TMEM132C: variants seen among roughly 807,000 people sequenced by gnomAD.
TMEM132C encodes protein phosphatase 1, regulatory subunit 152.
TMEM132C carries 29 observed loss-of-function variants against 61.4 expected under a neutral mutation model. The observed-to-expected ratio is 0.47, with a 90% CI of 0.35 to 0.64. The LOEUF (loss-of-function observed/expected upper bound fraction) is 0.64. Among genes scored for constraint, TMEM132C ranks in the 30% least tolerant of loss-of-function variants. The pLI, the probability that TMEM132C is intolerant of heterozygous loss-of-function variation, is 0.00. For synonymous variants in TMEM132C, 656 were observed against 633.1 expected (o/e 1.04, Z -0.54); for missense variants, 1,408 against 1,476.9 (o/e 0.95, Z 0.76).
chr12:128,416,619 T>G (rs977240921), intron 2 of TMEM132C, among the ~76,000 whole-genome samples: 4 of 152,292 alleles, frequency 2.6e-5, no homozygotes, highest in Non-Finnish European at 4.4e-5. Flanking sequence ...ATTTCATTTC[T>G]GTTTAACTTT....
chr12:128,299,981 A>G (rs61939391), intron 1 of TMEM132C, among the ~76,000 whole-genome samples: 1,752 of 152,352 alleles, frequency 0.011, 20 homozygotes, highest in Non-Finnish European at 0.018. Flanking sequence ...CCGTCAGTGT[A>G]GTCTAGACAC....
At chr12:128,652,411 A>G (rs1257852851) in intron 4 of TMEM132C, among the ~76,000 whole-genome samples, 2 of 152,224 alleles carry the variant, frequency 1.3e-5, no homozygotes, top group Admixed American at 1.3e-4. Flanking sequence ...AGGACCCAAC[A>G]AAGAACTCCT....
intron 6 of TMEM132C, among the ~76,000 whole-genome samples, chr12:128,695,345 C>G (rs925876287): frequency 6.7e-6 from 1 of 149,952 alleles, no homozygotes; most frequent in Non-Finnish European, 1.5e-5. Context: ...CATAGCAAGA[C>G]CCCATCTCTA....
At chr12:128,465,424 C>T (rs2136074683) in intron 2 of TMEM132C, among the ~76,000 whole-genome samples, 1 of 152,306 alleles carries the variant, frequency 6.6e-6, no homozygotes, top group East Asian at 1.9e-4. Context: ...TGGTTTCAAA[C>T]TCCTCACCTC....
chr12:128,477,733 T>A (rs997236566), intron 2 of TMEM132C, among the ~76,000 whole-genome samples: 1 of 152,120 alleles, frequency 6.6e-6, no homozygotes, highest in Non-Finnish European at 1.5e-5. Context: ...GCACCCGCCG[T>A]CACACCCGGC....
intron 3 of TMEM132C, among the ~76,000 whole-genome samples, chr12:128,615,613 A>G (rs1876774126): frequency 6.6e-6 from 1 of 152,062 alleles, no homozygotes; most frequent in Non-Finnish European, 1.5e-5. Flanking sequence ...GCTGCCACTG[A>G]CCTGACAGGA....
chr12:128,376,615 A>G (rs765656394), intron 1 of TMEM132C, among the ~76,000 whole-genome samples: 2 of 152,240 alleles, frequency 1.3e-5, no homozygotes, highest in Non-Finnish European at 2.9e-5. Flanking sequence ...GATGGATCCA[A>G]ATATGAGATT....
intron 2 of TMEM132C, among the ~76,000 whole-genome samples, chr12:128,524,892 C>G (rs2136130503): frequency 6.6e-6 from 1 of 152,260 alleles, no homozygotes; most frequent in South Asian, 2.1e-4. Context: ...CCTGCTTTGC[C>G]CAGGGTGCTC....
chr12:128,509,821 T>G (rs974541118), intron 2 of TMEM132C, among the ~76,000 whole-genome samples: 25 of 152,142 alleles, frequency 1.6e-4, no homozygotes, highest in African/African-American at 6.0e-4. Flanking sequence ...ATAAGGCCAG[T>G]GAGCCTTTCT....
rs184599389 is a variant in TMEM132C, at chr12:128,280,528, T to C, written c.85+13041T>C. ...ATAAGGAAAACATGCTTAAATTCAG[T>C]TAACTTAATAGCGTAATCACTAGAA... On this transcript the variant is annotated intron_variant, in intron 1 of 8. Transcript: ENST00000435159. 2.0e-5 allele frequency among the ~76,000 whole-genome samples: 3 copies of C among 152,326 alleles called. 1 individual carries two copies. In the East Asian group the frequency reaches 5.8e-4, roughly 29 times the overall value.
intron 1 of TMEM132C, among the ~76,000 whole-genome samples, chr12:128,348,697 A>G (rs543816624): frequency 3.3e-5 from 5 of 152,366 alleles, no homozygotes; most frequent in African/African-American, 1.2e-4. Flanking sequence ...GTTTCCAGCC[A>G]ACCAAGAAGA....
At chr12:128,583,392 CAA>C (rs11327866) in intron 3 of TMEM132C, among the ~76,000 whole-genome samples, 202 of 130,180 alleles carry the variant, frequency 1.6e-3, no homozygotes, top group Middle Eastern at 3.9e-3. Flanking sequence ...GAATATTGGT[CAA>C]AAAAAAAAAA....
At chr12:128,267,602 C>A in intron 1 of TMEM132C, 115 bp downstream of exon 1, 1 of 854,132 alleles carries the variant, frequency 1.2e-6, no homozygotes, top group South Asian at 5.6e-5. Flanking sequence ...GGCGGGGGCT[C>A]GGATCCCATC....
intron 1 of TMEM132C, among the ~76,000 whole-genome samples, chr12:128,410,770 G>T (rs1868509074): frequency 6.6e-6 from 1 of 152,110 alleles, no homozygotes; most frequent in African/African-American, 2.4e-5. Context: ...TCAAAATGAA[G>T]AAATTAACAT....
chr12:128,522,869 A>G (rs562456184), intron 2 of TMEM132C, among the ~76,000 whole-genome samples: 7 of 152,322 alleles, frequency 4.6e-5, no homozygotes, highest in Non-Finnish European at 5.9e-5. Flanking sequence ...AAGAAAAAAC[A>G]AAAGGAAATT....
chr12:128,365,010 C>T (rs948096477), intron 1 of TMEM132C, among the ~76,000 whole-genome samples: 3 of 152,128 alleles, frequency 2.0e-5, no homozygotes, highest in South Asian at 2.1e-4. Flanking sequence ...ATTTATGTTG[C>T]GGGTTTCAGA....
At chr12:128,595,098 C>T (rs1009655937) in intron 3 of TMEM132C, among the ~76,000 whole-genome samples, 2 of 152,146 alleles carry the variant, frequency 1.3e-5, no homozygotes, top group East Asian at 1.9e-4. Context: ...CACTGCTCTC[C>T]GGAGAACAGT....
At chr12:128,319,642 A>G (rs1046693559) in intron 1 of TMEM132C, among the ~76,000 whole-genome samples, 1 of 152,112 alleles carries the variant, frequency 6.6e-6, no homozygotes, top group Admixed American at 6.5e-5. Context: ...CCTGGCCAAT[A>G]TGGTGAAACC....
intron 3 of TMEM132C, among the ~76,000 whole-genome samples, chr12:128,605,544 G>T (rs1876391673): frequency 6.6e-6 from 1 of 152,160 alleles, no homozygotes; most frequent in African/African-American, 2.4e-5. Flanking sequence ...CTCTGTCAAG[G>T]TAATGCATAA....
Sources: gnomAD v4.1 joint callset for allele counts (sites outside exome capture counted in the v4.1 genomes callset) on GRCh38, gnomAD v4.1.1 for gene constraint, MANE v1.5 for transcripts, NCBI Gene and HGNC (gene_info 2026-07-23, HGNC 2026-07-21) for gene names.